PDE7B: variants seen among roughly 807,000 people sequenced by gnomAD.
PDE7B encodes 3',5'-cyclic-AMP phosphodiesterase 7B.
PDE7B carries 29 observed loss-of-function variants against 56.2 expected under a neutral mutation model. The ratio of observed to expected loss-of-function variants is 0.52; its 90% confidence interval spans 0.38 to 0.70. The LOEUF is 0.70. Among genes scored for constraint, PDE7B ranks in the 30% least tolerant of loss-of-function variants. The pLI, the probability that PDE7B is intolerant of heterozygous loss-of-function variation, is 0.00. For synonymous variants in PDE7B, 197 were observed against 196.9 expected (o/e 1.00, Z 0.00); for missense variants, 490 against 565.0 (o/e 0.87, Z 1.35).
chr6:136,157,715 G>A (rs535067010), intron 8 of PDE7B, among the ~76,000 whole-genome samples: 8 of 152,136 alleles, frequency 5.3e-5, no homozygotes, highest in Middle Eastern at 3.4e-3. Flanking sequence ...TAGTTGCAGC[G>A]GGAAAAAAAA....
At chr6:135,954,894 A>G (rs1317110597) in intron 2 of PDE7B, among the ~76,000 whole-genome samples, 1 of 152,138 alleles carries the variant, frequency 6.6e-6, no homozygotes, top group Non-Finnish European at 1.5e-5. Context: ...AGAACACCTC[A>G]TTTTTGAATG....
At chr6:136,148,730 T>C (rs1234583637) in intron 4 of PDE7B, among the ~76,000 whole-genome samples, 2 of 152,116 alleles carry the variant, frequency 1.3e-5, no homozygotes, top group African/African-American at 4.8e-5. Flanking sequence ...AGCAGCCACC[T>C]CTCAAGAAAG....
chr6:135,889,011 TC>T (rs1176714774), intron 1 of PDE7B, among the ~76,000 whole-genome samples: 1 of 152,206 alleles, frequency 6.6e-6, no homozygotes, highest in Admixed American at 6.5e-5. Context: ...ATCCCTAACT[TC>T]AGTTTTGAGC....
chr6:135,975,838 G>A (rs72973576), intron 2 of PDE7B, among the ~76,000 whole-genome samples: 8,212 of 152,210 alleles, frequency 0.054, 300 homozygotes, highest in Non-Finnish European at 0.077. Context: ...GTCAGGACTG[G>A]GACAGTTGGT....
intron 1 of PDE7B, among the ~76,000 whole-genome samples, chr6:135,941,179 C>T (rs1262886271): frequency 6.6e-6 from 1 of 152,218 alleles, no homozygotes; most frequent in Non-Finnish European, 1.5e-5. Context: ...ACTTTACTTT[C>T]CACTAAACTT....
At chr6:135,992,458 T>A (rs930549379) in intron 2 of PDE7B, among the ~76,000 whole-genome samples, 15 of 152,330 alleles carry the variant, frequency 9.8e-5, no homozygotes, top group African/African-American at 3.6e-4. Context: ...CATTTCAGGT[T>A]ATTTTTAGCT....
chr6:136,108,787 CCATT>C lies in PDE7B; in HGVS notation c.144_147del (p.Phe48LeufsTer21). 1 of 1,608,140 alleles carries C rather than the reference CCATT, an allele frequency of 6.2e-7. No individual in the cohort carries two copies. The highest frequency in any genetic ancestry group is 2.2e-5 in the East Asian group (1 of 44,846). On this transcript the variant is annotated frameshift_variant, in exon 3 of 13. Coordinates refer to ENST00000308191, the MANE Select transcript of PDE7B (RefSeq NM_018945.4). LOFTEE classifies it high-confidence loss of function. The stretch of plus-strand genomic sequence containing the variant: ...TCGTGCTGAACGCCGTGGCTCCTAC[CCATT>C]CATTGACTTCCGCCTACTTAACAGT...
intron 1 of PDE7B, among the ~76,000 whole-genome samples, chr6:135,894,866 C>T (rs2128190628): frequency 6.6e-6 from 1 of 152,190 alleles, no homozygotes; most frequent in African/African-American, 2.4e-5. Flanking sequence ...AATAAAATTT[C>T]AATCTCGCCT....
At chr6:136,112,772 G>A (rs905762996) in intron 3 of PDE7B, among the ~76,000 whole-genome samples, 2 of 152,074 alleles carry the variant, frequency 1.3e-5, no homozygotes, top group African/African-American at 4.8e-5. Flanking sequence ...ATTTCTACTT[G>A]CACATTCTTC....
intron 12 of PDE7B, among the ~76,000 whole-genome samples, chr6:136,189,008 A>G (rs889368676): frequency 1.3e-5 from 2 of 152,170 alleles, no homozygotes; most frequent in African/African-American, 4.8e-5. Context: ...GGTGGATGCT[A>G]CAGGCTCTAG....
At chr6:136,095,958 A>T (rs549738204) in intron 2 of PDE7B, 1 of 152,246 alleles carries the variant, frequency 6.6e-6, no homozygotes, top group Admixed American at 6.5e-5. Flanking sequence ...ATTCTATAAC[A>T]TGGGTATAAT....
At chr6:135,962,489 C>CT (rs911214408) in intron 2 of PDE7B, among the ~76,000 whole-genome samples, 3 of 151,934 alleles carry the variant, frequency 2.0e-5, no homozygotes, top group African/African-American at 4.8e-5. Context: ...TTTTATTTCC[C>CT]TTTTTTTGTC....
At chr6:135,886,419 G>A (rs1043928985) in intron 1 of PDE7B, among the ~76,000 whole-genome samples, 2 of 151,558 alleles carry the variant, frequency 1.3e-5, no homozygotes, top group African/African-American at 4.8e-5. Context: ...GTGGTTTTTG[G>A]TTACATGGAT....
intron 2 of PDE7B, among the ~76,000 whole-genome samples, chr6:136,029,069 G>T (rs9402784): frequency 0.34 from 52,161 of 152,056 alleles, 9,396 homozygotes; most frequent in East Asian, 0.56. Context: ...ATTTGAACTA[G>T]TTTTATAAGT....
intron 2 of PDE7B, among the ~76,000 whole-genome samples, chr6:135,978,335 TG>T (rs1775228325): frequency 6.6e-6 from 1 of 152,104 alleles, no homozygotes; most frequent in African/African-American, 2.4e-5. Flanking sequence ...TTACCGTAAA[TG>T]GAGCTTGCAG....
intron 3 of PDE7B, among the ~76,000 whole-genome samples, chr6:136,112,054 C>A (rs1197722809): frequency 1.3e-5 from 2 of 152,264 alleles, no homozygotes; most frequent in East Asian, 3.9e-4. Context: ...CATCCCCTTT[C>A]CAAAGTGTCG....
chr6:136,159,225 C>A (rs1778662877), intron 8 of PDE7B, among the ~76,000 whole-genome samples: 1 of 152,168 alleles, frequency 6.6e-6, no homozygotes, highest in Admixed American at 6.5e-5. Flanking sequence ...AATATTCCTT[C>A]CACGTGGTCC....
At chr6:136,067,917 A>G (rs985974898) in intron 2 of PDE7B, among the ~76,000 whole-genome samples, 1 of 152,230 alleles carries the variant, frequency 6.6e-6, no homozygotes, top group Non-Finnish European at 1.5e-5. Context: ...AAAAGCAGCA[A>G]ACAATGATCT....
At chr6:135,939,652 GT>G (rs1323132624) in intron 1 of PDE7B, among the ~76,000 whole-genome samples, 1 of 152,196 alleles carries the variant, frequency 6.6e-6, no homozygotes, top group Admixed American at 6.5e-5. Flanking sequence ...CTGGGCCACT[GT>G]CACGTAGGAG....
Sources: gnomAD v4.1 joint callset for allele counts (sites outside exome capture counted in the v4.1 genomes callset) on GRCh38, gnomAD v4.1.1 for gene constraint, MANE v1.5 for transcripts, NCBI Gene and HGNC (gene_info 2026-07-23, HGNC 2026-07-21) for gene names.